The following TENM3 variants were observed in gnomAD, a reference collection of about 807,000 sequenced individuals.
The protein encoded by TENM3 is teneurin-3.
TENM3 carries 63 observed loss-of-function variants against 255.1 expected under a neutral mutation model. The observed-to-expected ratio is 0.25, with a 90% CI of 0.20 to 0.30. TENM3 has a LOEUF of 0.30. TENM3 is among the 10% of genes least tolerant of loss of function. TENM3 has a pLI of 1.00. For missense variants in TENM3, 2,929 were observed against 3,461.1 expected, an observed-to-expected ratio of 0.85 and a Z score of 3.86; for synonymous variants, 1,306 against 1,322.3, an observed-to-expected ratio of 0.99 and a Z score of 0.27.
chr4:181,727,837 A>G, the TENM3 span, among the ~76,000 whole-genome samples: 1 of 152,206 alleles, frequency 6.6e-6, no homozygotes, highest in Non-Finnish European at 1.5e-5. Flanking sequence ...TTCAGCTAAT[A>G]AGGATCAACT....
chr4:182,130,262 C>T, the TENM3 span, among the ~76,000 whole-genome samples: 136 of 152,176 alleles, frequency 8.9e-4, no homozygotes, highest in African/African-American at 2.2e-3. Flanking sequence ...AAATACTATA[C>T]GGCAAAGTAA....
At chr4:181,946,765 G>A in the TENM3 span, among the ~76,000 whole-genome samples, 4 of 152,156 alleles carry the variant, frequency 2.6e-5, no homozygotes, top group Non-Finnish European at 4.4e-5. Flanking sequence ...AAGAATTTGT[G>A]TTACGTGTAT....
At chr4:181,658,982 A>G in the TENM3 span, among the ~76,000 whole-genome samples, 3 of 152,044 alleles carry the variant, frequency 2.0e-5, no homozygotes, top group South Asian at 2.1e-4. Context: ...TGAGGCTGAG[A>G]CTTGCTGAGC....
chr4:182,532,647 T>G (rs1423440552), intron 3 of TENM3, among the ~76,000 whole-genome samples: 2 of 152,194 alleles, frequency 1.3e-5, no homozygotes, highest in Non-Finnish European at 2.9e-5. Flanking sequence ...TTTAGTAAAT[T>G]ACTTCTCTTT....
At chr4:182,535,938 GTTA>G (rs1740261408) in intron 3 of TENM3, among the ~76,000 whole-genome samples, 3 of 151,936 alleles carry the variant, frequency 2.0e-5, no homozygotes, top group South Asian at 4.2e-4. Context: ...ACAAGTATTT[GTTA>G]TTATTACACA....
the TENM3 span, among the ~76,000 whole-genome samples, chr4:181,902,432 A>G: frequency 6.6e-6 from 1 of 152,134 alleles, no homozygotes; most frequent in Non-Finnish European, 1.5e-5. Flanking sequence ...TCTTTGCCCC[A>G]AAGGATTGTA....
chr4:182,028,604 A>G, the TENM3 span, among the ~76,000 whole-genome samples: 1 of 152,058 alleles, frequency 6.6e-6, no homozygotes, highest in Non-Finnish European at 1.5e-5. Flanking sequence ...TCTTCTTAAC[A>G]CTGCTTTTGC....
chr4:181,752,114 C>A, the TENM3 span, among the ~76,000 whole-genome samples: 1 of 152,176 alleles, frequency 6.6e-6, no homozygotes. Flanking sequence ...TTTATAAAGG[C>A]CATTGCTTTT....
intron 3 of TENM3, among the ~76,000 whole-genome samples, chr4:182,370,525 C>T (rs1473589429): frequency 3.3e-5 from 5 of 152,094 alleles, no homozygotes; most frequent in South Asian, 2.1e-4. Context: ...AAAGATAAGT[C>T]GGTTTTAACA....
chr4:182,360,823 C>A (rs983917767), intron 3 of TENM3, among the ~76,000 whole-genome samples: 1 of 152,070 alleles, frequency 6.6e-6, no homozygotes, highest in Admixed American at 6.6e-5. Flanking sequence ...GTCTCGATGG[C>A]CTTTACATTT....
At chr4:182,147,279 G>T (rs1049504888) in intron 1 of TENM3, among the ~76,000 whole-genome samples, 11 of 152,138 alleles carry the variant, frequency 7.2e-5, no homozygotes, top group African/African-American at 2.4e-4. Context: ...TACAAAAAAT[G>T]ATGTCTTTGC....
At chr4:182,172,725 A>G (rs1018236199) in intron 1 of TENM3, among the ~76,000 whole-genome samples, 1 of 152,200 alleles carries the variant, frequency 6.6e-6, no homozygotes, top group Non-Finnish European at 1.5e-5. Context: ...GTCCTACTAT[A>G]TGCAAAGACC....
the TENM3 span, among the ~76,000 whole-genome samples, chr4:182,044,574 T>C: frequency 6.6e-6 from 1 of 152,240 alleles, no homozygotes; most frequent in Non-Finnish European, 1.5e-5. Flanking sequence ...CCTGCTCGTT[T>C]ACGAGAGGTG....
At chr4:182,446,908 T>C (rs980782346) in intron 3 of TENM3, among the ~76,000 whole-genome samples, 13 of 149,992 alleles carry the variant, frequency 8.7e-5, no homozygotes, top group African/African-American at 2.4e-4. Context: ...AGAAGACACA[T>C]GCATTGCATT....
At chr4:181,848,214 C>T in the TENM3 span, among the ~76,000 whole-genome samples, 19 of 152,328 alleles carry the variant, frequency 1.2e-4, no homozygotes, top group East Asian at 3.5e-3. Context: ...CTTGTACTCT[C>T]CTGTGAAACC....
the TENM3 span, among the ~76,000 whole-genome samples, chr4:181,811,603 G>A: frequency 3.4e-4 from 52 of 152,320 alleles, no homozygotes; most frequent in African/African-American, 1.2e-3. Context: ...ACATGGCTGG[G>A]GAGGCCTCAC....
the TENM3 span, among the ~76,000 whole-genome samples, chr4:182,045,862 A>G: frequency 6.6e-6 from 1 of 152,162 alleles, no homozygotes; most frequent in Non-Finnish European, 1.5e-5. Context: ...CATCCGGGTT[A>G]TAGAGTGAAA....
At chr4:182,453,940 G>T (rs1353731250) in intron 3 of TENM3, among the ~76,000 whole-genome samples, 1 of 152,052 alleles carries the variant, frequency 6.6e-6, no homozygotes, top group Non-Finnish European at 1.5e-5. Context: ...TACATTAGCG[G>T]AGTAGACACC....
intron 7 of TENM3, among the ~76,000 whole-genome samples, chr4:182,678,263 T>G (rs1755814507): frequency 6.6e-6 from 1 of 152,178 alleles, no homozygotes; most frequent in Admixed American, 6.5e-5. Context: ...CAATCACATT[T>G]TATACTTTTA....
Sources: allele counts gnomAD v4.1 joint callset (sites outside exome capture counted in the v4.1 genomes callset), GRCh38; gene constraint gnomAD v4.1.1; transcripts MANE v1.5; gene names NCBI Gene and HGNC (gene_info 2026-07-23, HGNC 2026-07-21).